The following LRRC39 variants were observed in gnomAD, a reference collection of about 807,000 sequenced individuals.
The protein encoded by LRRC39 is leucine rich repeat containing 39.
In LRRC39, 35 loss-of-function variants were observed where a neutral mutation model predicts 39.7. The observed-to-expected ratio is 0.88, with a 90% CI of 0.67 to 1.17. LRRC39 has a LOEUF of 1.17. Among genes scored for constraint, LRRC39 ranks in the 50% most tolerant of loss-of-function variants. The pLI is 0.00. For synonymous variants in LRRC39, 113 were observed against 134.1 expected (o/e 0.84, Z 1.09); for missense variants, 357 against 385.8 (o/e 0.93, Z 0.62).
At position 100,158,250 on chromosome 1, in the gene LRRC39, A is replaced by G. The variant is rs144639407; in HGVS notation, c.494T>C (p.Ile165Thr). Residue 165 changes from isoleucine to threonine, a missense_variant, in exon 6 of 10, where the codon ATA (isoleucine) becomes ACA (threonine). Ile to Thr is a moderately conservative substitution (Grantham distance 89, BLOSUM62 -1). Transcript: ENST00000370137. ...TCTAACCTCTTGTGGAAGATCACAT[A>G]TATCTCTGTTAACAGCCAGTTCTAG... ...EKLELAVNRDICDLPQELSNL... is the reference protein window; with the variant it reads ...EKLELAVNRDTCDLPQELSNL... 4.2e-5 allele frequency: 68 copies of G among 1,614,010 alleles called. No individual in the cohort carries two copies. In the African/African-American group the frequency reaches 8.7e-4, roughly 21 times the overall value.
chr1:100,179,545 G>T (rs1382220352), upstream of LRRC39, among the ~76,000 whole-genome samples: 3 of 145,440 alleles, frequency 2.1e-5, no homozygotes, highest in African/African-American at 7.9e-5. Context: ...AGGCATGGTG[G>T]CCCTGTCTCC....
In LRRC39 at chr1:100,159,285, G is replaced by C; in HGVS notation, c.350C>G (p.Thr117Arg). The C allele has an allele frequency of 6.2e-7, 1 of 1,606,160 alleles. No homozygotes were observed. Among genetic ancestry groups the C allele is most frequent in the Non-Finnish European group, 8.5e-7 (1 of 1,176,496 alleles). ...AATCCCTGGTGGTATCTCTGAAATT[G>C]TGTTTCGAGATAAATCTAACACAAT... ...NLIVLDLSRN[T>R]ISEIPPGIGL... Residue 117 changes from threonine to arginine, a missense_variant, in exon 5 of 10, where the codon ACA becomes AGA. Transcript: ENST00000370137.
At chr1:100,156,429 G>C in intron 6 of LRRC39, 112 bp from the exon 7 acceptor site, 1 of 1,074,672 alleles carries the variant, frequency 9.3e-7, no homozygotes, top group Non-Finnish European at 1.3e-6. Flanking sequence ...ATTTTACTTG[G>C]GCTTTATTTA....
intron 1 of LRRC39, among the ~76,000 whole-genome samples, chr1:100,175,098 A>T (rs1353071150): frequency 1.6e-4 from 2 of 12,448 alleles, no homozygotes; most frequent in Non-Finnish European, 5.8e-4. Context: ...TGCCAGCACC[A>T]TGCTTCCTGT....
At chr1:100,171,503 C>CTTTT (rs748078318) in intron 2 of LRRC39, among the ~76,000 whole-genome samples, 7 of 130,750 alleles carry the variant, frequency 5.4e-5, no homozygotes, top group Admixed American at 7.8e-5. Context: ...TTTCTTTCTT[C>CTTTT]TTTTTTTTTT....
At position 100,152,426 on chromosome 1, in the gene LRRC39, T is replaced by C; in HGVS notation, c.911A>G (p.Gln304Arg). The C allele has an allele frequency of 6.2e-7, 1 of 1,613,978 alleles. No individual in the cohort carries two copies. The highest frequency in any genetic ancestry group is 8.5e-7 in the Non-Finnish European group (1 of 1,180,006). ...EEEERELFGL[Q>R]FMHTYIQESR... ...CTCTTGTATGTATGTGTGCATAAAC[T>C]GAAGGCCAAATAATTCCCGTTCCTC... The change falls in exon 9 of 10, where the codon CAG (glutamine) becomes CGG (arginine). Residue 304 changes from glutamine to arginine, a missense_variant. By Grantham distance (43) the Gln-to-Arg change is conservative. Transcript: ENST00000370137.
Position 100,149,049 on chromosome 1 carries a change from T to C in LRRC39, c.1001A>G (p.Asp334Gly). Residue 334 changes from aspartate (D) to glycine (G), a missense_variant, in exon 10 of 10, where the codon GAT becomes GGT. Coordinates refer to ENST00000370137, the MANE Select transcript of LRRC39 (RefSeq NM_144620.4). ...AGGGCATCTTGAATTATATTATCCA[T>C]CCGTATTTATGGAGATTGGTAAAGT... ...STTLPISINTDG is the reference protein window; with the variant it reads ...STTLPISINTGG 6.3e-7 allele frequency: 1 copy of C among 1,592,210 alleles called. No individual in the cohort carries two copies. Among genetic ancestry groups the C allele is most frequent in the Non-Finnish European group, 8.5e-7 (1 of 1,171,874 alleles).
intron 8 of LRRC39, among the ~76,000 whole-genome samples, chr1:100,154,329 T>C (rs1421333964): frequency 6.6e-6 from 1 of 152,176 alleles, no homozygotes; most frequent in Non-Finnish European, 1.5e-5. Context: ...AGAAAAAAAA[T>C]TCCTTTTGAA....
At chr1:100,162,652 GAAAGA>G (rs1658973922) in intron 3 of LRRC39, among the ~76,000 whole-genome samples, 1 of 151,018 alleles carries the variant, frequency 6.6e-6, no homozygotes, top group South Asian at 2.1e-4. Flanking sequence ...AAAAAAAAAA[GAAAGA>G]AAAGAAACTG....
At chr1:100,149,865 A>C (rs1338308815) in intron 9 of LRRC39, 1 of 154,692 alleles carries the variant, frequency 6.5e-6, no homozygotes, top group African/African-American at 2.4e-5. Context: ...AGAATTACTA[A>C]TTTTAGATAT....
intron 6 of LRRC39, among the ~76,000 whole-genome samples, chr1:100,157,117 A>G (rs1303852882): frequency 6.6e-6 from 1 of 152,226 alleles, no homozygotes; most frequent in Non-Finnish European, 1.5e-5. Flanking sequence ...GAAATTATCC[A>G]TATGATTATC....
At chr1:100,178,020 G>T (rs544538056) in intron 1 of LRRC39, 115 bp downstream of exon 1, 1 of 152,192 alleles carries the variant, frequency 6.6e-6, no homozygotes, top group South Asian at 2.1e-4. Context: ...ATTCCAGTTT[G>T]TTTGGACATT....
chr1:100,159,870 T>A (rs1658747487), intron 4 of LRRC39, among the ~76,000 whole-genome samples: 1 of 152,174 alleles, frequency 6.6e-6, no homozygotes, highest in Non-Finnish European at 1.5e-5. Flanking sequence ...ATTTGAGAAT[T>A]TTAAGAGTTT....
At chr1:100,149,192 T>G in intron 9 of LRRC39, 95 bp from the exon 10 acceptor site, 3 of 1,509,562 alleles carry the variant, frequency 2.0e-6, no homozygotes, top group South Asian at 2.6e-5. Context: ...TTAATATTTT[T>G]TATTTCTTAA....
At chr1:100,170,813 G>C (rs755598260) in intron 2 of LRRC39, among the ~76,000 whole-genome samples, 9 of 152,048 alleles carry the variant, frequency 5.9e-5, no homozygotes, top group Non-Finnish European at 7.4e-5. Flanking sequence ...CTGGGCTCAA[G>C]TGATCCTCCT....
chr1:100,160,376 C>A, intron 4 of LRRC39, 90 bp downstream of exon 4: 1 of 855,714 alleles, frequency 1.2e-6, no homozygotes. Context: ...TCTAACTATT[C>A]TAGTCTTAAT....
chr1:100,151,077 C>A (rs1398104503), intron 9 of LRRC39, among the ~76,000 whole-genome samples: 1 of 137,062 alleles, frequency 7.3e-6, no homozygotes, highest in Non-Finnish European at 1.5e-5. Context: ...CCAAGTGAGC[C>A]GAGATTGCAC....
At chr1:100,166,693 T>A (rs1362938627) in intron 3 of LRRC39, among the ~76,000 whole-genome samples, 1 of 152,126 alleles carries the variant, frequency 6.6e-6, no homozygotes, top group Non-Finnish European at 1.5e-5. Flanking sequence ...GCATAAAAAT[T>A]CAGAAAATTT....
chr1:100,176,352 C>T (rs1427240592), intron 1 of LRRC39, among the ~76,000 whole-genome samples: 4 of 152,054 alleles, frequency 2.6e-5, no homozygotes, highest in African/African-American at 9.7e-5. Flanking sequence ...CACTTGAACC[C>T]GGGAGGCAGA....
Sources: gnomAD v4.1 joint callset for allele counts (sites outside exome capture counted in the v4.1 genomes callset) on GRCh38, gnomAD v4.1.1 for gene constraint, MANE v1.5 for transcripts, NCBI Gene and HGNC (gene_info 2026-07-23, HGNC 2026-07-21) for gene names.